MITF: variants seen among roughly 807,000 people sequenced by gnomAD.
MITF encodes melanocyte inducing transcription factor.
Under a neutral mutation model 60.5 loss-of-function variants are expected in MITF, and 17 were observed. That is an observed-to-expected ratio of 0.28 (90% CI 0.19 to 0.42). The LOEUF is 0.42. Ranked by LOEUF, MITF falls within the 10% of genes least tolerant of loss-of-function variation. The probability of loss-of-function intolerance (pLI) is 1.00; values close to 1 mark genes in which losing one functional copy is unlikely to be tolerated. For missense variants in MITF, 622 were observed against 683.5 expected, an observed-to-expected ratio of 0.91 and a Z score of 1.00; for synonymous variants, 260 against 248.5, an observed-to-expected ratio of 1.05 and a Z score of -0.43.
intron 1 of MITF, among the ~76,000 whole-genome samples, chr3:69,792,998 CTTTT>C (rs58440406): frequency 3.5e-3 from 110 of 31,068 alleles, no homozygotes; most frequent in Non-Finnish European, 4.8e-3. Context: ...AAGTCTTTAG[CTTTT>C]TTTTTTTTTT....
chr3:69,778,072 G>A (rs2062503290), intron 1 of MITF, among the ~76,000 whole-genome samples: 1 of 152,068 alleles, frequency 6.6e-6, no homozygotes, highest in South Asian at 2.1e-4. Context: ...TGGAGAGGAG[G>A]TGGAGCTGAG....
chr3:69,782,989 A>G (rs556737851), intron 1 of MITF, among the ~76,000 whole-genome samples: 1 of 152,348 alleles, frequency 6.6e-6, no homozygotes, highest in South Asian at 2.1e-4. Flanking sequence ...TAGTGATAAG[A>G]AAAATTATTC....
At chr3:69,849,496 G>C (rs967801176) in intron 1 of MITF, among the ~76,000 whole-genome samples, 6 of 152,184 alleles carry the variant, frequency 3.9e-5, no homozygotes, top group African/African-American at 1.4e-4. Flanking sequence ...TACATGCCAG[G>C]CATTAATCTA....
chr3:69,758,612 T>A (rs1183211962), intron 1 of MITF: 2 of 193,316 alleles, frequency 1.0e-5, no homozygotes, highest in African/African-American at 4.6e-5. Flanking sequence ...AATACTTATT[T>A]TATTATTGGT....
intron 1 of MITF, among the ~76,000 whole-genome samples, chr3:69,827,931 A>G (rs1020316030): frequency 6.6e-5 from 10 of 152,160 alleles, no homozygotes; most frequent in African/African-American, 2.2e-4. Flanking sequence ...CCATAATTCA[A>G]TAAATAGTTC....
At chr3:69,800,200 A>G (rs1338708706) in intron 1 of MITF, among the ~76,000 whole-genome samples, 1 of 152,200 alleles carries the variant, frequency 6.6e-6, no homozygotes, top group Admixed American at 6.5e-5. Flanking sequence ...ATGGGATTAT[A>G]CATTATGTGG....
chr3:69,796,494 C>CTTTTGTTTTTTTTTTTTTTTTT (rs2062830108), intron 1 of MITF, among the ~76,000 whole-genome samples: 1 of 80,328 alleles, frequency 1.2e-5, no homozygotes, highest in African/African-American at 4.4e-5. Context: ...CACCGTCTTT[C>CTTTTGTTTTTTTTTTTTTTTTT]TTTTTTTTTT....
At chr3:69,906,693 A>G (rs2065107405) in intron 2 of MITF, among the ~76,000 whole-genome samples, 1 of 152,150 alleles carries the variant, frequency 6.6e-6, no homozygotes, top group Admixed American at 6.5e-5. Context: ...AAGTGACTTC[A>G]CAGTACATGT....
intron 1 of MITF, among the ~76,000 whole-genome samples, chr3:69,782,654 G>A (rs903020488): frequency 6.6e-6 from 1 of 152,168 alleles, no homozygotes; most frequent in Non-Finnish European, 1.5e-5. Flanking sequence ...TCTATTTGAA[G>A]CTTGTTTTAT....
chr3:69,770,287 T>C (rs1161748100), intron 1 of MITF, among the ~76,000 whole-genome samples: 17 of 152,140 alleles, frequency 1.1e-4, no homozygotes, highest in Admixed American at 1.1e-3. Flanking sequence ...TGCTTTTACC[T>C]AAAGGGAATG....
At chr3:69,953,662 T>TATATATAGAGAGAGAG (rs1250294181) in intron 7 of MITF, among the ~76,000 whole-genome samples, 1 of 136,570 alleles carries the variant, frequency 7.3e-6, no homozygotes, top group African/African-American at 2.7e-5. Flanking sequence ...TATATATATA[T>TATATATAGAGAGAGAG]AGAGAGAGAG....
intron 1 of MITF, among the ~76,000 whole-genome samples, chr3:69,766,526 C>A (rs1175951993): frequency 6.6e-6 from 1 of 151,844 alleles, no homozygotes; most frequent in African/African-American, 2.4e-5. Flanking sequence ...CGCACCTAGC[C>A]TCTTTATCAT....
intron 5 of MITF, among the ~76,000 whole-genome samples, chr3:69,943,682 A>G (rs2066024322): frequency 6.6e-6 from 1 of 152,316 alleles, no homozygotes; most frequent in South Asian, 2.1e-4. Flanking sequence ...TATCCCTCAC[A>G]GTAAATAACT....
chr3:69,844,990 T>G (rs1226040025), intron 1 of MITF, among the ~76,000 whole-genome samples: 1 of 152,206 alleles, frequency 6.6e-6, no homozygotes, highest in Non-Finnish European at 1.5e-5. Context: ...TTTACCTGCC[T>G]GGGCCCTGTA....
At chr3:69,830,223 A>G (rs949989752) in intron 1 of MITF, among the ~76,000 whole-genome samples, 4 of 152,138 alleles carry the variant, frequency 2.6e-5, no homozygotes, top group Non-Finnish European at 5.9e-5. Flanking sequence ...AGTGGCCACA[A>G]GAGCCTTCTG....
chr3:69,851,645 A>G (rs2063826158), intron 1 of MITF, among the ~76,000 whole-genome samples: 1 of 152,172 alleles, frequency 6.6e-6, no homozygotes, highest in Non-Finnish European at 1.5e-5. Context: ...GGTTTCTGGG[A>G]TTGGAGATGG....
At chr3:69,753,240 G>A (rs375939041) in intron 1 of MITF, among the ~76,000 whole-genome samples, 3 of 152,334 alleles carry the variant, frequency 2.0e-5, no homozygotes, top group Admixed American at 6.5e-5. Flanking sequence ...TGTAAGCCTT[G>A]GTGGCTTCCA....
At chr3:69,842,142 C>A (rs976601566) in intron 1 of MITF, among the ~76,000 whole-genome samples, 1 of 152,030 alleles carries the variant, frequency 6.6e-6, no homozygotes, top group Non-Finnish European at 1.5e-5. Flanking sequence ...TTCATTTTTT[C>A]AAATAAGATT....
At position 69,949,104 on chromosome 3, in the gene MITF, A is replaced by T. The variant is rs1296471307; in HGVS notation, c.816A>T (p.Pro272=). 6.2e-7 allele frequency: 1 copy of T among 1,613,722 alleles called. No homozygotes were observed. Among genetic ancestry groups the T allele is most frequent in the Non-Finnish European group, 8.5e-7 (1 of 1,179,880 alleles). The change falls in exon 6 of 10, where the codon CCA becomes CCT. Residue 272 remains proline, a synonymous_variant. Coordinates refer to ENST00000352241, the MANE Select transcript of MITF (RefSeq NM_001354604.2). ...IDLYGNQGLP[P]PGLTISNSCP... Reference sequence around the variant, plus strand: ...TTTATGGAAACCAAGGTCTGCCCCCACCAGGCCTCACCATCAGCAACTCCT... The same window carrying T: ...TTTATGGAAACCAAGGTCTGCCCCCTCCAGGCCTCACCATCAGCAACTCCT...
Sources: allele counts gnomAD v4.1 joint callset (sites outside exome capture counted in the v4.1 genomes callset), GRCh38; gene constraint gnomAD v4.1.1; transcripts MANE v1.5; gene names NCBI Gene and HGNC (gene_info 2026-07-23, HGNC 2026-07-21).